The following MYH15 variants were observed in gnomAD, a reference collection of about 807,000 sequenced individuals.
The protein encoded by MYH15 is myosin heavy chain 15.
A neutral mutation model predicts 240.5 loss-of-function variants in MYH15; 227 were observed. The ratio of observed to expected loss-of-function variants is 0.94; its 90% CI spans 0.85 to 1.05. The LOEUF is 1.05. MYH15 is among the 50% of genes least tolerant of loss of function. The pLI, the probability that MYH15 is intolerant of heterozygous loss-of-function variation, is 0.00. For missense variants in MYH15, 2,217 were observed against 2,247.5 expected, an observed-to-expected ratio of 0.99 and a Z score of 0.27; for synonymous variants, 785 against 796.7, an observed-to-expected ratio of 0.99 and a Z score of 0.25.
At position 108,389,037 on chromosome 3, in the gene MYH15, CG is replaced by C; in HGVS notation, c.5467del (p.Arg1823ValfsTer20). The C allele has an allele frequency of 6.2e-7, 1 of 1,613,972 alleles. No individual in the cohort carries two copies. Among genetic ancestry groups the C allele is most frequent in the Non-Finnish European group, 8.5e-7 (1 of 1,179,912 alleles). ...TCCCCTCTGGGCCTCTGCACTGCGA[CG>C]GATTTCACCCTCCAGTTCACCTTCC... ...ELEGELEGEI[R>X]RSAEAQRGAR... is the part of the protein sequence containing the mutation. On this transcript the variant is annotated frameshift_variant, in exon 38 of 41. Coordinates refer to ENST00000693548, the MANE Select transcript of MYH15 (RefSeq NM_014981.3). LOFTEE classifies it high-confidence loss of function.
In MYH15 at chr3:108,428,584, G is replaced by A; in HGVS notation, c.3610C>T (p.Gln1204Ter). The A allele has an allele frequency of 1.9e-6, 3 of 1,613,728 alleles. No individual in the cohort carries two copies. Among genetic ancestry groups the A allele is most frequent in the Non-Finnish European group, 2.5e-6 (3 of 1,179,992 alleles). ...TCTTTTTCCAGTTTCTGCTTGACCT[G>A]CTGTAGATTTTCTACCTGGCCCTCG... is the stretch of plus-strand genomic sequence containing the variant. The part of the protein sequence containing the change: ...ELEGQVENLQ[Q>*]VKQKLEKDKS... Residue 1204 changes from glutamine to a stop codon, truncating the protein, a stop_gained, in exon 27 of 41, where the codon CAG (glutamine) becomes TAG (stop). Transcript: ENST00000693548. LOFTEE classifies it high-confidence loss of function.
intron 26 of MYH15, among the ~76,000 whole-genome samples, 184 bp from the exon 27 acceptor site, chr3:108,429,065 G>T (rs549297668): frequency 6.4e-4 from 97 of 152,190 alleles, no homozygotes; most frequent in African/African-American, 2.2e-3. Flanking sequence ...AGAATTTGCA[G>T]TTCTGCCAAA....
intron 33 of MYH15, among the ~76,000 whole-genome samples, chr3:108,404,089 A>C (rs931655787): frequency 1.3e-5 from 2 of 152,140 alleles, no homozygotes; most frequent in African/African-American, 4.8e-5. Flanking sequence ...TCATCAAAAA[A>C]ATTCTTTTAG....
chr3:108,400,669 C>T (rs976817314), intron 33 of MYH15, among the ~76,000 whole-genome samples: 1 of 152,028 alleles, frequency 6.6e-6, no homozygotes, highest in South Asian at 2.1e-4. Flanking sequence ...ATTAGCCAGG[C>T]GTGGTGGCAT....
At chr3:108,440,412 T>A (rs529937472) in intron 23 of MYH15, among the ~76,000 whole-genome samples, 2 of 152,098 alleles carry the variant, frequency 1.3e-5, no homozygotes, top group East Asian at 3.9e-4. Flanking sequence ...TGAAAGGGAA[T>A]CAATAAAAAT....
At chr3:108,514,758 C>T (rs1299722523), upstream of MYH15, among the ~76,000 whole-genome samples, 1 of 152,148 alleles carries the variant, frequency 6.6e-6, no homozygotes, top group African/African-American at 2.4e-5. Flanking sequence ...TGAATGGAAA[C>T]TGTAGGCAGA....
intron 18 of MYH15, among the ~76,000 whole-genome samples, chr3:108,457,617 T>A (rs1388583832): frequency 1.4e-5 from 2 of 147,234 alleles, no homozygotes; most frequent in East Asian, 3.9e-4. Context: ...CCTACTATGG[T>A]ATTACATGAA....
Position 108,410,895 on chromosome 3 carries a change from C to T in MYH15, c.4183G>A (p.Ala1395Thr). The change falls in exon 31 of 41, where the codon GCC becomes ACC. Residue 1395 changes from alanine (A) to threonine (T), a missense_variant. Ala to Thr is a moderately conservative substitution (Grantham distance 58, BLOSUM62 0). Transcript: ENST00000693548. ...TTTCTGGCATTGGCCACCCCCATGG[C>T]TTCGGCTGCCTCCTGCAATCTAATT... Reference protein sequence around the residue: ...LAIRLQEAAEAMGVANARNAS... With the variant: ...LAIRLQEAAETMGVANARNAS... The T allele has an allele frequency of 6.2e-7, 1 of 1,606,342 alleles. No homozygotes were observed. Among genetic ancestry groups the T allele is most frequent in the Non-Finnish European group, 8.5e-7 (1 of 1,173,810 alleles).
intron 30 of MYH15, among the ~76,000 whole-genome samples, chr3:108,411,339 G>C (rs2082591650): frequency 6.6e-6 from 1 of 152,160 alleles, no homozygotes; most frequent in African/African-American, 2.4e-5. Context: ...AGTCACTAAA[G>C]AGCTCCTTGG....
At chr3:108,456,920 GA>G (rs773606037) in intron 18 of MYH15, 37 bp from the exon 19 acceptor site, 72 of 1,457,056 alleles carry the variant, frequency 4.9e-5, no homozygotes, top group African/African-American at 1.4e-4. Flanking sequence ...ATCTGTGCCT[GA>G]AAAAAAATTA....
intron 33 of MYH15, among the ~76,000 whole-genome samples, chr3:108,400,576 C>T (rs1358611775): frequency 6.6e-6 from 1 of 152,142 alleles, no homozygotes; most frequent in Non-Finnish European, 1.5e-5. Context: ...CCTGTAATCC[C>T]AGCACTTTGG....
At position 108,463,038 on chromosome 3, in the gene MYH15, A is replaced by AT; in HGVS notation, c.1864+72dup. On this transcript the variant is annotated intron_variant, in intron 16 of 40. Transcript: ENST00000693548. ...AACATATCACAGGAAAGAAGCAAGA[A>AT]TTTTTGCAAAAGCTGAGGCAGCCAT... The AT allele has an allele frequency of 4.0e-6, 6 of 1,508,452 alleles. No individual in the cohort carries two copies. In the Admixed American group the frequency reaches 6.7e-5, roughly 17 times the overall value. The allele number at this position is 1,508,452 out of a possible 1,614,324, so 93.4% of individuals were successfully genotyped here. A position where few individuals can be genotyped will look rare whatever the true frequency, so the allele number is the denominator to read the frequency against.
intron 15 of MYH15, 73 bp from the exon 16 acceptor site, chr3:108,463,316 TA>T: frequency 6.8e-7 from 1 of 1,480,018 alleles, no homozygotes. Flanking sequence ...GGCTGTGCAT[TA>T]CCCCTTTTTT....
Position 108,415,859 on chromosome 3 carries a change from G to C in MYH15, c.3948+953C>G, listed in dbSNP as rs987830600. 1.2e-4 allele frequency among the ~76,000 whole-genome samples: 18 copies of C among 152,272 alleles called. No homozygotes were observed. The South Asian group carries it at 3.7e-3, about 32-fold the overall frequency. On this transcript the variant is annotated intron_variant, in intron 29 of 40. Transcript: ENST00000693548. ...CAGAAGGAGGCTGGAGCCAGATCAG[G>C]GGGGCTTGTAGGCCAATTGGAAGTC...
intron 21 of MYH15, among the ~76,000 whole-genome samples, chr3:108,452,257 G>A (rs987785200): frequency 4.6e-5 from 7 of 152,148 alleles, no homozygotes; most frequent in African/African-American, 1.4e-4. Context: ...GCCACTCAAA[G>A]TGTGTGCCTC....
At chr3:108,404,539 CT>C (rs1316822616) in intron 33 of MYH15, among the ~76,000 whole-genome samples, 1 of 152,196 alleles carries the variant, frequency 6.6e-6, no homozygotes, top group African/African-American at 2.4e-5. Flanking sequence ...TCCTCACCAC[CT>C]TCTGTGACAT....
Position 108,498,208 on chromosome 3 carries a change from G to A in MYH15, c.525-63C>T. ...TGATTATCAATGCAACGAAAGTTAGGTAATTTTGATTATATAGGCTATGGC... is the reference window on the plus strand; with the variant it reads ...TGATTATCAATGCAACGAAAGTTAGATAATTTTGATTATATAGGCTATGGC... On this transcript the variant is annotated intron_variant, in intron 5 of 40. Coordinates refer to ENST00000693548, the MANE Select transcript of MYH15 (RefSeq NM_014981.3). 5 of 1,474,444 alleles carry A rather than the reference G, an allele frequency of 3.4e-6. No individual in the cohort carries two copies. In the South Asian group the frequency reaches 5.7e-5, roughly 17 times the overall value. 91.3% of individuals were successfully genotyped at this position (1,474,444 alleles called of 1,614,324 possible).
intron 28 of MYH15, among the ~76,000 whole-genome samples, chr3:108,418,061 A>C (rs2107552850): frequency 6.6e-6 from 1 of 152,310 alleles, no homozygotes; most frequent in South Asian, 2.1e-4. Flanking sequence ...AAATGTTGTC[A>C]GTTGCTTTCC....
chr3:108,486,829 A>C (rs1052114334), intron 9 of MYH15, among the ~76,000 whole-genome samples: 4 of 152,190 alleles, frequency 2.6e-5, no homozygotes, highest in African/African-American at 9.6e-5. Flanking sequence ...ACAACAACAA[A>C]AAGACACGTA....
Sources: gnomAD v4.1 joint callset for allele counts (sites outside exome capture counted in the v4.1 genomes callset) on GRCh38, gnomAD v4.1.1 for gene constraint, MANE v1.5 for transcripts, NCBI Gene and HGNC (gene_info 2026-07-23, HGNC 2026-07-21) for gene names.